Variants in RSPH14 observed in about 807,000 individuals in gnomAD.
RSPH14 encodes the protein radial spoke head 14 homolog.
Under a neutral mutation model 26.7 loss-of-function variants are expected in RSPH14, and 20 were observed. That is an observed-to-expected ratio of 0.75 (90% confidence interval 0.53 to 1.09). The LOEUF is 1.09. Ranked by LOEUF, RSPH14 falls within the 50% of genes least tolerant of loss-of-function variation. The pLI, the probability that RSPH14 is intolerant of heterozygous loss-of-function variation, is 0.00. For missense variants in RSPH14, 449 were observed against 457.2 expected (o/e 0.98, Z 0.16); for synonymous variants, 177 against 189.3 (o/e 0.93, Z 0.53).
At chr22:23,100,433 T>C (rs1010936133) in intron 4 of RSPH14, among the ~76,000 whole-genome samples, 16 of 152,162 alleles carry the variant, frequency 1.1e-4, no homozygotes, top group African/African-American at 3.6e-4. Flanking sequence ...CTGGTCAACA[T>C]GTTATCAGTG....
At chr22:23,103,286 C>A (rs2069356390) in intron 4 of RSPH14, among the ~76,000 whole-genome samples, 2 of 152,200 alleles carry the variant, frequency 1.3e-5, no homozygotes, top group Non-Finnish European at 2.9e-5. Flanking sequence ...TCTACTCCTC[C>A]CCAGCCCCCG....
At chr22:23,126,350 C>T (rs929447113) in intron 4 of RSPH14, among the ~76,000 whole-genome samples, 1 of 152,154 alleles carries the variant, frequency 6.6e-6, no homozygotes, top group Non-Finnish European at 1.5e-5. Flanking sequence ...TGGCCCCGTC[C>T]TCCCCTGCAG....
At chr22:23,129,686 C>T (rs2070261360) in intron 4 of RSPH14, among the ~76,000 whole-genome samples, 1 of 152,008 alleles carries the variant, frequency 6.6e-6, no homozygotes, top group Non-Finnish European at 1.5e-5. Context: ...CTTTGGGAGG[C>T]CGAGGCAGGA....
the RSPH14 span, among the ~76,000 whole-genome samples, chr22:23,172,194 T>C: frequency 6.6e-6 from 1 of 152,226 alleles, no homozygotes; most frequent in Non-Finnish European, 1.5e-5. Flanking sequence ...TCATTTCATT[T>C]TTTTCTTTTT....
chr22:23,123,410 C>A, intron 4 of RSPH14: 1 of 1,612,978 alleles, frequency 6.2e-7, no homozygotes, highest in East Asian at 2.2e-5. Context: ...AGAACAATCT[C>A]AAGTACATTG....
intron 4 of RSPH14, among the ~76,000 whole-genome samples, chr22:23,098,333 C>T (rs528134074): frequency 2.6e-5 from 4 of 152,368 alleles, no homozygotes; most frequent in South Asian, 2.1e-4. Flanking sequence ...TGACCTAGCC[C>T]GGCACCTGCT....
At chr22:23,155,948 C>G in the RSPH14 span, 1 of 1,600,890 alleles carries the variant, frequency 6.2e-7, no homozygotes, top group African/African-American at 1.3e-5. Context: ...ATTTCCCTTT[C>G]TTTCTCACCC....
chr22:23,157,698 G>A, the RSPH14 span, among the ~76,000 whole-genome samples: 6 of 152,334 alleles, frequency 3.9e-5, no homozygotes, highest in Admixed American at 2.0e-4. Flanking sequence ...TCCCTTAGCC[G>A]TAAGTGGCAG....
intron 4 of RSPH14, among the ~76,000 whole-genome samples, chr22:23,092,718 C>T (rs1487636042): frequency 6.6e-6 from 1 of 152,242 alleles, no homozygotes; most frequent in African/African-American, 2.4e-5. Context: ...CCCCAACCTG[C>T]TCTCCTGATT....
At chr22:23,064,963 G>A (rs1450166195) in intron 4 of RSPH14, among the ~76,000 whole-genome samples, 2 of 152,178 alleles carry the variant, frequency 1.3e-5, no homozygotes, top group African/African-American at 2.4e-5. Flanking sequence ...TCACTGAGAT[G>A]AGAAGCACAG....
chr22:23,161,380 C>T, the RSPH14 span: 5 of 951,570 alleles, frequency 5.3e-6, no homozygotes, highest in Non-Finnish European at 4.9e-6. Context: ...CCATTCAGGC[C>T]TTGAACAGCA....
chr22:23,080,305 C>T (rs372382265), intron 4 of RSPH14, among the ~76,000 whole-genome samples: 11 of 152,322 alleles, frequency 7.2e-5, no homozygotes, highest in African/African-American at 2.6e-4. Context: ...GGACAGGTGG[C>T]TGAGGGTGTC....
Position 23,134,068 on chromosome 22 carries a change from T to TC in RSPH14, c.378dup (p.Asn127GlufsTer14). ...AGCTGCATGTATGCCTTGTACAGGT[T>TC]CCCCCGGCAGACTGGGCTGGGGTCA... On this transcript the variant is annotated frameshift_variant, in exon 4 of 7. Coordinates refer to ENST00000216036, the MANE Select transcript of RSPH14 (RefSeq NM_014433.3). LOFTEE classifies it high-confidence loss of function. 2 of 1,613,726 alleles carry TC rather than the reference T, an allele frequency of 1.2e-6. No homozygotes were observed. Among genetic ancestry groups the TC allele is most frequent in the Non-Finnish European group, 1.7e-6 (2 of 1,179,768 alleles).
chr22:23,141,631 G>T (rs925386032), intron 1 of RSPH14, among the ~76,000 whole-genome samples: 3 of 152,232 alleles, frequency 2.0e-5, no homozygotes, highest in Admixed American at 6.5e-5. Context: ...TTAGTAGAAT[G>T]GACAGGCCAC....
At chr22:23,099,285 G>A (rs1016269087) in intron 4 of RSPH14, among the ~76,000 whole-genome samples, 1 of 152,270 alleles carries the variant, frequency 6.6e-6, no homozygotes, top group Non-Finnish European at 1.5e-5. Flanking sequence ...GGGTGTCTGT[G>A]GAGCATGGCA....
upstream of RSPH14, among the ~76,000 whole-genome samples, chr22:23,143,660 C>A (rs1013714916): frequency 6.6e-6 from 1 of 152,146 alleles, no homozygotes; most frequent in Non-Finnish European, 1.5e-5. Context: ...CTTGCTTTGG[C>A]CACTTCTCTA....
At chr22:23,142,018 A>G (rs564339652), upstream of RSPH14, 2 of 985,436 alleles carry the variant, frequency 2.0e-6, no homozygotes, top group Non-Finnish European at 2.4e-6. Flanking sequence ...GCCAGGCGAC[A>G]TCGTTGCCAG....
chr22:23,159,134 G>C, the RSPH14 span: 1 of 1,607,608 alleles, frequency 6.2e-7, no homozygotes, highest in Non-Finnish European at 8.5e-7. Context: ...GAGCCGGGAC[G>C]CTGGGTCAAC....
the RSPH14 span, chr22:23,161,571 C>G: frequency 1.9e-6 from 3 of 1,601,740 alleles, no homozygotes; most frequent in African/African-American, 1.3e-5. Flanking sequence ...CTAACTGGGG[C>G]CTGCGTGGAA....
Sources: allele counts gnomAD v4.1 joint callset (sites outside exome capture counted in the v4.1 genomes callset), GRCh38; gene constraint gnomAD v4.1.1; transcripts MANE v1.5; gene names NCBI Gene and HGNC (gene_info 2026-07-23, HGNC 2026-07-21).